The following COL4A5 variants were observed in gnomAD, a reference collection of about 807,000 sequenced individuals.
COL4A5 encodes collagen type IV alpha 5 chain.
COL4A5 carries 26 observed loss-of-function variants against 130.2 expected under a neutral mutation model. The ratio of observed to expected loss-of-function variants is 0.20; its 90% confidence interval spans 0.15 to 0.28. The LOEUF (loss-of-function observed/expected upper bound fraction) is 0.28. COL4A5 is among the 10% of genes least tolerant of loss of function. The probability of loss-of-function intolerance (pLI) is 1.00; values close to 1 mark genes in which losing one functional copy is unlikely to be tolerated. For synonymous variants in COL4A5, 496 were observed against 439.6 expected, an observed-to-expected ratio of 1.13 and a Z score of -1.60; for missense variants, 1,131 against 1,344.3, an observed-to-expected ratio of 0.84 and a Z score of 2.48.
intron 1 of COL4A5, among the ~76,000 whole-genome samples, chrX:108,507,265 A>G (rs1217785104): frequency 3.7e-5 from 4 of 108,045 alleles, no homozygotes; most frequent in African/African-American, 1.0e-4. Flanking sequence ...AAAAAAAGAA[A>G]AAAAAAAAAA....
At chrX:108,544,486 T>G (rs1461466259) in intron 2 of COL4A5, among the ~76,000 whole-genome samples, 1 of 111,907 alleles carries the variant, frequency 8.9e-6, no homozygotes, top group African/African-American at 3.3e-5. Context: ...ATAAGGTTTT[T>G]GATGTGCTCT....
At position 108,603,046 on chromosome X, in the gene COL4A5, C is replaced by G; in HGVS notation, c.2229C>G (p.Gly743=). 8.5e-7 allele frequency: 1 copy of G among 1,170,618 alleles called. No homozygotes were observed. The highest frequency in any genetic ancestry group is 1.8e-5 in the African/African-American group (1 of 56,950). The stretch of plus-strand genomic sequence containing the variant: ...TAGAAGGCCCTCCTGGGCCACCCGG[C>G]TTTCCAGGACCAAAGGTCTGGGACA... ...IGLEGPPGPP[G]FPGPKGEPGF... Residue 743 remains glycine (G), a synonymous_variant, in exon 28 of 53, where the codon GGC becomes GGG. Coordinates refer to ENST00000328300, the MANE Select transcript of COL4A5 (RefSeq NM_033380.3).
intron 30 of COL4A5, 40 bp downstream of exon 30, chrX:108,615,064 T>G: frequency 1.1e-6 from 1 of 949,076 alleles, no homozygotes; most frequent in Non-Finnish European, 1.5e-6. Flanking sequence ...GCACTCATAA[T>G]ATATACATTT....
At chrX:108,477,995 G>T (rs1569475393) in intron 1 of COL4A5, among the ~76,000 whole-genome samples, 1 of 110,522 alleles carries the variant, frequency 9.0e-6, no homozygotes, top group East Asian at 2.9e-4. Context: ...CTGGTGGAGT[G>T]ACCCAAACCT....
chrX:108,483,211 G>GTGTA (rs1569476111), intron 1 of COL4A5, among the ~76,000 whole-genome samples: 2 of 99,896 alleles, frequency 2.0e-5, no homozygotes, highest in African/African-American at 7.1e-5. Context: ...ATATGTGTGT[G>GTGTA]TGTGTGTGTG....
chrX:108,671,739 A>G lies in COL4A5; in HGVS notation c.3799+1503A>G, dbSNP rs112867888. On this transcript the variant is annotated intron_variant, in intron 42 of 52. Coordinates refer to ENST00000328300, the MANE Select transcript of COL4A5 (RefSeq NM_033380.3). ...GATTTTTGCCAGAAACAGGCCAAGG[A>G]TTTAGACATCAAAGGTGGGAGATCA... 7.1e-3 allele frequency among the ~76,000 whole-genome samples: 797 copies of G among 111,951 alleles called. 4 individuals carry two copies. The highest frequency in any genetic ancestry group is 0.036 in the East Asian group (129 of 3,548).
rs113243812 is a variant in COL4A5, at chrX:108,572,875, A to G, written c.466-699A>G. ...ACTGCATGCTCTGGTCCTTGCCTAC[A>G]TTGACAGCCTTATCTTAAACCACTA... On this transcript the variant is annotated intron_variant, in intron 8 of 52. Coordinates refer to ENST00000328300, the MANE Select transcript of COL4A5 (RefSeq NM_033380.3). 6.0e-3 allele frequency among the ~76,000 whole-genome samples: 673 copies of G among 111,950 alleles called. 2 individuals are homozygous for G. The highest frequency in any genetic ancestry group is 0.037 in the East Asian group (130 of 3,560).
At chrX:108,458,509 C>T (rs935012824) in intron 1 of COL4A5, among the ~76,000 whole-genome samples, 12 of 111,436 alleles carry the variant, frequency 1.1e-4, no homozygotes, top group South Asian at 3.8e-4. Context: ...TCTTCGCCCC[C>T]GCCTCCTTCT....
intron 36 of COL4A5, among the ~76,000 whole-genome samples, chrX:108,644,666 A>T (rs749449623): frequency 9.0e-6 from 1 of 111,565 alleles, no homozygotes; most frequent in African/African-American, 3.2e-5. Flanking sequence ...TTGAGAGGCC[A>T]GTTTGGGCAG....
chrX:108,462,281 G>A (rs2064661191), intron 1 of COL4A5, among the ~76,000 whole-genome samples: 1 of 111,622 alleles, frequency 9.0e-6, no homozygotes, highest in South Asian at 3.7e-4. Context: ...AATAGTAATA[G>A]TAAATGCCTA....
At chrX:108,597,298 T>C in intron 23 of COL4A5, 79 bp from the exon 24 acceptor site, 1 of 1,058,359 alleles carries the variant, frequency 9.4e-7, no homozygotes, top group Non-Finnish European at 1.3e-6. Flanking sequence ...GAAGAAAATG[T>C]TAGAAAAAAA....
At chrX:108,640,583 A>G (rs912191934) in intron 36 of COL4A5, among the ~76,000 whole-genome samples, 8 of 111,635 alleles carry the variant, frequency 7.2e-5, no homozygotes, top group African/African-American at 2.6e-4. Flanking sequence ...GTGAAGTGCT[A>G]GATGTGTTAA....
intron 36 of COL4A5, among the ~76,000 whole-genome samples, chrX:108,635,175 G>A (rs1283837497): frequency 9.0e-6 from 1 of 110,587 alleles, no homozygotes; most frequent in Non-Finnish European, 1.9e-5. Flanking sequence ...ACCTTGATAA[G>A]TCACTTAATT....
chrX:108,510,495 A>G (rs1603260264), intron 1 of COL4A5, among the ~76,000 whole-genome samples: 1 of 110,194 alleles, frequency 9.1e-6, no homozygotes, highest in Non-Finnish European at 1.9e-5. Context: ...TTTTAAGGCC[A>G]GAAGGGATGA....
rs755569493 is a variant in COL4A5, at chrX:108,609,564, G to A, written c.2395+2672G>A. On this transcript the variant is annotated intron_variant, in intron 29 of 52. Coordinates refer to ENST00000328300, the MANE Select transcript of COL4A5 (RefSeq NM_033380.3). ...GTTCATTTCCTTACTGTATTTTGAT[G>A]GATAAAAGTTTTAATTTTATTGAAG... Among the ~76,000 whole-genome samples, 98 of 110,913 alleles carry A rather than the reference G, an allele frequency of 8.8e-4. 4 individuals carry two copies. Among genetic ancestry groups the A allele is most frequent in the Non-Finnish European group, 5.7e-4 (30 of 52,764 alleles).
At chrX:108,527,706 C>T (rs2065340717) in intron 1 of COL4A5, among the ~76,000 whole-genome samples, 1 of 111,519 alleles carries the variant, frequency 9.0e-6, no homozygotes, top group Non-Finnish European at 1.9e-5. Context: ...GCCGCAGAGC[C>T]GAGCTTCTGC....
intron 36 of COL4A5, among the ~76,000 whole-genome samples, chrX:108,642,053 A>C (rs1375124423): frequency 2.7e-5 from 3 of 111,346 alleles, no homozygotes; most frequent in Non-Finnish European, 3.8e-5. Context: ...ATAGGGGCAC[A>C]GTGGGAGTAA....
intron 2 of COL4A5, among the ~76,000 whole-genome samples, chrX:108,549,678 G>T (rs892090744): frequency 3.6e-5 from 4 of 110,651 alleles, no homozygotes; most frequent in Non-Finnish European, 5.7e-5. Context: ...TTAGAAGCTA[G>T]AAAAGGACAA....
chrX:108,678,229 G>C (rs2068347710), intron 44 of COL4A5, among the ~76,000 whole-genome samples: 1 of 111,830 alleles, frequency 8.9e-6, no homozygotes, highest in Non-Finnish European at 1.9e-5. Context: ...ATTGCTGGTG[G>C]ATTTGGCAGT....
Sources: gnomAD v4.1 joint callset for allele counts (sites outside exome capture counted in the v4.1 genomes callset) on GRCh38, gnomAD v4.1.1 for gene constraint, MANE v1.5 for transcripts, NCBI Gene and HGNC (gene_info 2026-07-23, HGNC 2026-07-21) for gene names.